Variants in FRMPD4 observed in about 807,000 individuals in gnomAD.
FRMPD4 encodes the protein FERM and PDZ domain-containing protein 4.
A neutral mutation model predicts 94.1 loss-of-function variants in FRMPD4; 22 were observed. That is an observed-to-expected ratio of 0.23 (90% CI 0.17 to 0.33). The LOEUF (loss-of-function observed/expected upper bound fraction) is 0.33. Ranked by LOEUF, FRMPD4 falls within the 10% of genes least tolerant of loss-of-function variation. The probability of loss-of-function intolerance (pLI) is 1.00; values close to 1 mark genes in which losing one functional copy is unlikely to be tolerated. For synonymous variants in FRMPD4, 631 were observed against 548.6 expected, an observed-to-expected ratio of 1.15 and a Z score of -2.10; for missense variants, 1,111 against 1,339.9, an observed-to-expected ratio of 0.83 and a Z score of 2.67.
intron 2 of FRMPD4, among the ~76,000 whole-genome samples, chrX:12,596,876 G>A (rs1308246832): frequency 8.9e-6 from 1 of 112,038 alleles, no homozygotes. Flanking sequence ...CATGTGGATA[G>A]CATACTGTTT....
chrX:12,320,793 C>T (rs1405330898), intron 1 of FRMPD4, among the ~76,000 whole-genome samples: 2 of 110,852 alleles, frequency 1.8e-5, no homozygotes, highest in Non-Finnish European at 3.8e-5. Flanking sequence ...AGCCAGAAGA[C>T]AAGGAAAACA....
intron 3 of FRMPD4, among the ~76,000 whole-genome samples, chrX:11,884,137 C>A (rs2053830892): frequency 1.2e-5 from 1 of 83,675 alleles, no homozygotes; most frequent in South Asian, 5.6e-4. Context: ...CATGTGCTAA[C>A]CTTGTCCTCT....
chrX:12,720,048 AG>A (rs60062797), intron 16 of FRMPD4, among the ~76,000 whole-genome samples: 2,644 of 19,606 alleles, frequency 0.13, 39 homozygotes, highest in Middle Eastern at 0.27. Flanking sequence ...AGGAAAGGAA[AG>A]GAAAGAAAGA....
intron 3 of FRMPD4, among the ~76,000 whole-genome samples, chrX:11,949,382 G>T (rs1380763628): frequency 9.0e-6 from 1 of 111,583 alleles, no homozygotes; most frequent in Non-Finnish European, 1.9e-5. Flanking sequence ...GAGTCTTGTG[G>T]GGAAAACAAA....
intron 3 of FRMPD4, among the ~76,000 whole-genome samples, chrX:12,110,335 T>C (rs1234540221): frequency 1.8e-5 from 2 of 112,165 alleles, no homozygotes; most frequent in Non-Finnish European, 3.8e-5. Flanking sequence ...ATTATCTCAA[T>C]AGATGCAGAA....
At chrX:12,583,428 C>T (rs1174976897) in intron 2 of FRMPD4, 11 of 1,194,886 alleles carry the variant, frequency 9.2e-6, no homozygotes, top group Non-Finnish European at 1.2e-5. Context: ...ACATGGCTTC[C>T]AGCAGCCGCG....
intron 1 of FRMPD4, among the ~76,000 whole-genome samples, chrX:12,224,556 C>A (rs762774787): frequency 8.9e-6 from 1 of 111,888 alleles, no homozygotes; most frequent in African/African-American, 3.2e-5. Context: ...AAAGCATTTT[C>A]TTTTTATAAT....
chrX:12,307,533 A>G (rs1409957332), intron 1 of FRMPD4, among the ~76,000 whole-genome samples: 1 of 111,610 alleles, frequency 9.0e-6, no homozygotes, highest in African/African-American at 3.3e-5. Flanking sequence ...AAACAGGCAA[A>G]ACTAGTCTAT....
At chrX:12,337,439 G>A (rs2055545027) in intron 1 of FRMPD4, among the ~76,000 whole-genome samples, 2 of 112,198 alleles carry the variant, frequency 1.8e-5, no homozygotes, top group Admixed American at 1.9e-4. Context: ...ACTATACTGT[G>A]TAATATTTTA....
At chrX:12,464,903 A>G (rs777522587) in intron 1 of FRMPD4, among the ~76,000 whole-genome samples, 17 of 112,009 alleles carry the variant, frequency 1.5e-4, no homozygotes, top group Non-Finnish European at 2.8e-4. Context: ...AGCCAAAATG[A>G]AAAGACAAAA....
intron 2 of FRMPD4, among the ~76,000 whole-genome samples, chrX:12,559,164 G>T (rs1259145098): frequency 2.7e-5 from 3 of 112,221 alleles, no homozygotes; most frequent in African/African-American, 9.7e-5. Flanking sequence ...AATTAAATAT[G>T]CCTTCTAGCA....
At chrX:12,680,232 G>A (rs1365472033) in intron 5 of FRMPD4, among the ~76,000 whole-genome samples, 2 of 112,053 alleles carry the variant, frequency 1.8e-5, no homozygotes, top group East Asian at 5.5e-4. Flanking sequence ...TTAGGGGCCT[G>A]ATAATCTTAA....
chrX:12,421,210 A>G (rs1329791747), intron 1 of FRMPD4, among the ~76,000 whole-genome samples: 2 of 112,222 alleles, frequency 1.8e-5, no homozygotes, highest in Non-Finnish European at 1.9e-5. Context: ...TATTGTCCTA[A>G]GAAGTATGTC....
At chrX:12,535,330 G>A (rs2058327705) in intron 2 of FRMPD4, among the ~76,000 whole-genome samples, 1 of 111,553 alleles carries the variant, frequency 9.0e-6, no homozygotes, top group Non-Finnish European at 1.9e-5. Context: ...TTTATCAGCA[G>A]CGTGAAAATG....
intron 1 of FRMPD4, among the ~76,000 whole-genome samples, chrX:12,421,788 TG>T (rs58028553): frequency 2.1e-5 from 2 of 94,635 alleles, no homozygotes; most frequent in Admixed American, 1.1e-4. Context: ...AAAAAAAAGC[TG>T]GGGGGGCAGG....
At chrX:12,475,476 G>A (rs2057583293) in intron 1 of FRMPD4, among the ~76,000 whole-genome samples, 1 of 111,556 alleles carries the variant, frequency 9.0e-6, no homozygotes. Flanking sequence ...AATCAGGCAG[G>A]AGAAGGAAAT....
At chrX:12,214,514 G>C (rs755832211) in intron 1 of FRMPD4, among the ~76,000 whole-genome samples, 4 of 112,433 alleles carry the variant, frequency 3.6e-5, no homozygotes, top group Admixed American at 9.4e-5. Context: ...TTGTTTGTTT[G>C]TAAGAAACCT....
intron 8 of FRMPD4, among the ~76,000 whole-genome samples, chrX:12,693,608 T>C (rs2060098832): frequency 8.9e-6 from 1 of 112,206 alleles, no homozygotes; most frequent in African/African-American, 3.2e-5. Flanking sequence ...AAAACTTCTG[T>C]CTTCCTACTT....
intron 1 of FRMPD4, among the ~76,000 whole-genome samples, chrX:12,468,037 C>G (rs2057468234): frequency 1.8e-5 from 2 of 112,016 alleles, no homozygotes; most frequent in South Asian, 7.5e-4. Context: ...AAATGACAAT[C>G]AAATCTAAAA....
Sources: gnomAD v4.1 joint callset for allele counts (sites outside exome capture counted in the v4.1 genomes callset) on GRCh38, gnomAD v4.1.1 for gene constraint, MANE v1.5 for transcripts, NCBI Gene and HGNC (gene_info 2026-07-23, HGNC 2026-07-21) for gene names.